The following NCOA2 variants were observed in gnomAD, a reference collection of about 807,000 sequenced individuals.
NCOA2 encodes the protein nuclear receptor coactivator 2.
A neutral mutation model predicts 145.1 loss-of-function variants in NCOA2; 21 were observed. The observed-to-expected ratio is 0.14, with a 90% CI of 0.10 to 0.21. The LOEUF is 0.21. NCOA2 is among the 10% of genes least tolerant of loss of function. NCOA2 has a pLI of 1.00. For synonymous variants in NCOA2, 619 were observed against 637.5 expected, an observed-to-expected ratio of 0.97 and a Z score of 0.44; for missense variants, 1,472 against 1,837.6, an observed-to-expected ratio of 0.80 and a Z score of 3.64.
intron 2 of NCOA2, among the ~76,000 whole-genome samples, chr8:70,257,880 C>CAAAA (rs555764379): frequency 7.3e-6 from 1 of 137,442 alleles, no homozygotes; most frequent in African/African-American, 2.7e-5. Context: ...GCAACAACAG[C>CAAAA]AAAAAAAAAA....
At chr8:70,441,256 G>A in the NCOA2 span, among the ~76,000 whole-genome samples, 4 of 136,380 alleles carry the variant, frequency 2.9e-5, no homozygotes, top group African/African-American at 8.2e-5. Context: ...GAGAAAGAAA[G>A]GGGAAAGAGA....
At chr8:70,421,122 A>G in the NCOA2 span, among the ~76,000 whole-genome samples, 2 of 152,236 alleles carry the variant, frequency 1.3e-5, no homozygotes, top group Non-Finnish European at 2.9e-5. Context: ...CTTTTACAAA[A>G]AATACTGTGT....
intron 2 of NCOA2, among the ~76,000 whole-genome samples, chr8:70,278,456 T>G (rs951435436): frequency 6.6e-6 from 1 of 152,172 alleles, no homozygotes; most frequent in African/African-American, 2.4e-5. Flanking sequence ...AGCCTGGATA[T>G]CCACAGGAGA....
intron 2 of NCOA2, among the ~76,000 whole-genome samples, chr8:70,283,258 T>C (rs915218113): frequency 7.9e-5 from 12 of 152,162 alleles, no homozygotes; most frequent in Admixed American, 4.6e-4. Context: ...GTGCGACTAG[T>C]TGTTCTTAGG....
chr8:70,255,437 A>G (rs138128014), intron 2 of NCOA2, among the ~76,000 whole-genome samples: 1 of 152,376 alleles, frequency 6.6e-6, no homozygotes, highest in Non-Finnish European at 1.5e-5. Context: ...GCAAGCCATG[A>G]AAAGCATACA....
rs369146284 is a variant in NCOA2 at position 70,157,051 on chromosome 8, C to T, written c.1314G>A (p.Met438Ile). The change falls in exon 11 of 23, where the codon ATG (methionine) becomes ATA (isoleucine). Residue 438 changes from methionine to isoleucine, a missense_variant. Met to Ile is a conservative substitution (Grantham distance 10). Coordinates refer to ENST00000452400, the MANE Select transcript of NCOA2 (RefSeq NM_006540.4). Reference protein sequence around the residue: ...NGPKEQMGMPMGRFGGSGGMN... With the variant: ...NGPKEQMGMPIGRFGGSGGMN... Reference sequence around the variant, plus strand: ...TTCCCCCAGAACCACCAAACCTGCCCATGGGCATGCCCATTTGTTCCTTTG... The same window carrying T: ...TTCCCCCAGAACCACCAAACCTGCCTATGGGCATGCCCATTTGTTCCTTTG... 2.3e-5 allele frequency: 37 copies of T among 1,614,034 alleles called. No homozygotes were observed. In the African/African-American group the frequency reaches 4.4e-4, roughly 19 times the overall value.
chr8:70,435,424 C>CAAA, the NCOA2 span, among the ~76,000 whole-genome samples: 45 of 20,150 alleles, frequency 2.2e-3, 3 homozygotes, highest in East Asian at 3.6e-3. Flanking sequence ...GACTCCGTCT[C>CAAA]AAAAAAAAAA....
intron 12 of NCOA2, among the ~76,000 whole-genome samples, chr8:70,146,861 A>T (rs1032043497): frequency 6.8e-6 from 1 of 146,596 alleles, no homozygotes; most frequent in African/African-American, 2.5e-5. Flanking sequence ...ATGCCCAGCA[A>T]ATTTTTTGTA....
chr8:70,126,245 A>C lies in NCOA2; in HGVS notation c.3916+568T>G, dbSNP rs73687603. Among the ~76,000 whole-genome samples, 531 of 152,354 alleles carry C rather than the reference A, an allele frequency of 3.5e-3. 5 individuals are homozygous for C. Among genetic ancestry groups the C allele is most frequent in the African/African-American group, 0.012 (508 of 41,594 alleles). The stretch of plus-strand genomic sequence containing the variant: ...GACATTACACACTTGGTATCTCTTA[A>C]GACTGACATTAAACAACAAATCAAT... On this transcript the variant is annotated intron_variant, in intron 19 of 22. Transcript: ENST00000452400.
chr8:70,342,085 T>C (rs932842980), intron 1 of NCOA2, among the ~76,000 whole-genome samples: 3 of 152,190 alleles, frequency 2.0e-5, no homozygotes, highest in Admixed American at 2.0e-4. Flanking sequence ...CAGAACTCGA[T>C]AATATACCTA....
chr8:70,351,400 C>T (rs1454592734), intron 1 of NCOA2, among the ~76,000 whole-genome samples: 1 of 152,058 alleles, frequency 6.6e-6, no homozygotes, highest in Non-Finnish European at 1.5e-5. Context: ...ATATTCTATT[C>T]TTTAAAGTTT....
intron 7 of NCOA2, among the ~76,000 whole-genome samples, chr8:70,165,592 G>C (rs1017994110): frequency 2.0e-5 from 3 of 152,156 alleles, no homozygotes; most frequent in African/African-American, 7.2e-5. Context: ...CTGTGTGGAC[G>C]GCTTGCCTAG....
At chr8:70,399,609 C>T (rs575116563) in intron 1 of NCOA2, among the ~76,000 whole-genome samples, 77 of 152,300 alleles carry the variant, frequency 5.1e-4, no homozygotes, top group South Asian at 1.0e-3. Flanking sequence ...AAACTACATA[C>T]GCAAAATACT....
chr8:70,338,445 T>G (rs1807830624), intron 1 of NCOA2, among the ~76,000 whole-genome samples: 1 of 151,998 alleles, frequency 6.6e-6, no homozygotes, highest in Non-Finnish European at 1.5e-5. Context: ...GAGGCAGTAA[T>G]AAATAGCCTA....
At chr8:70,381,851 G>A (rs1324593617) in intron 1 of NCOA2, among the ~76,000 whole-genome samples, 1 of 152,076 alleles carries the variant, frequency 6.6e-6, no homozygotes, top group Non-Finnish European at 1.5e-5. Flanking sequence ...AATAATATCC[G>A]TAATGGCATT....
chr8:70,238,649 A>T (rs182459400), intron 2 of NCOA2, among the ~76,000 whole-genome samples: 141 of 152,300 alleles, frequency 9.3e-4, no homozygotes, highest in African/African-American at 3.1e-3. Flanking sequence ...GTCATCCTCA[A>T]AGTCTGTGGA....
intron 4 of NCOA2, among the ~76,000 whole-genome samples, chr8:70,186,223 G>A (rs564491278): frequency 6.6e-6 from 1 of 152,044 alleles, no homozygotes; most frequent in African/African-American, 2.4e-5. Flanking sequence ...ACCATTAGAA[G>A]GTCTATGTTC....
chr8:70,182,316 A>C (rs1193042236), intron 4 of NCOA2, among the ~76,000 whole-genome samples: 1 of 152,180 alleles, frequency 6.6e-6, no homozygotes, highest in Non-Finnish European at 1.5e-5. Context: ...AGCAAAATTA[A>C]CCAATCTGAA....
chr8:70,370,451 G>A (rs1563814838), intron 1 of NCOA2, among the ~76,000 whole-genome samples: 1 of 152,078 alleles, frequency 6.6e-6, no homozygotes, highest in East Asian at 1.9e-4. Context: ...TCATGGGTTT[G>A]TGGCAGCTAA....
Sources: allele counts gnomAD v4.1 joint callset (sites outside exome capture counted in the v4.1 genomes callset), GRCh38; gene constraint gnomAD v4.1.1; transcripts MANE v1.5; gene names NCBI Gene and HGNC (gene_info 2026-07-23, HGNC 2026-07-21).